The following PACS1 variants were observed in gnomAD, a reference collection of about 807,000 sequenced individuals.
PACS1 encodes the protein PACS-1.
PACS1 carries 24 observed loss-of-function variants against 115.0 expected under a neutral mutation model. That is an observed-to-expected ratio of 0.21 (90% CI 0.15 to 0.29). PACS1 has a LOEUF of 0.29. Ranked by LOEUF, PACS1 falls within the 10% of genes least tolerant of loss-of-function variation. The pLI is 1.00. For missense variants in PACS1, 838 were observed against 1,251.2 expected (o/e 0.67, Z 4.98); for synonymous variants, 453 against 504.5 (o/e 0.90, Z 1.37).
intron 1 of PACS1, among the ~76,000 whole-genome samples, chr11:66,147,405 A>G (rs1398152564): frequency 6.6e-6 from 1 of 152,172 alleles, no homozygotes; most frequent in Non-Finnish European, 1.5e-5. Flanking sequence ...CCACAAGACT[A>G]AAGGAAGAAC....
At chr11:66,102,321 A>G (rs1358406218) in intron 1 of PACS1, among the ~76,000 whole-genome samples, 1 of 151,460 alleles carries the variant, frequency 6.6e-6, no homozygotes, top group African/African-American at 2.4e-5. Context: ...TATTATTATT[A>G]TTATTATTTT....
chr11:66,097,306 G>A (rs148342011), intron 1 of PACS1, among the ~76,000 whole-genome samples: 5 of 152,218 alleles, frequency 3.3e-5, no homozygotes, highest in Non-Finnish European at 5.9e-5. Context: ...CAGTCAGATC[G>A]TAATGCTCAT....
intron 1 of PACS1, among the ~76,000 whole-genome samples, chr11:66,082,132 A>G (rs1451417092): frequency 6.6e-6 from 1 of 152,236 alleles, no homozygotes; most frequent in Non-Finnish European, 1.5e-5. Flanking sequence ...TCTGGATCTT[A>G]ATGATGAATG....
intron 1 of PACS1, among the ~76,000 whole-genome samples, chr11:66,082,712 C>T (rs547057419): frequency 5.3e-4 from 80 of 152,142 alleles, no homozygotes; most frequent in African/African-American, 1.7e-3. Flanking sequence ...AAAAATTAGC[C>T]GGGCGTGTGG....
chr11:66,163,650 AT>A (rs1217540648), intron 1 of PACS1, among the ~76,000 whole-genome samples: 1 of 152,184 alleles, frequency 6.6e-6, no homozygotes. Context: ...TGTTATTTGA[AT>A]CAAAGTCTTC....
chr11:66,165,262 G>A (rs541208463), intron 1 of PACS1, among the ~76,000 whole-genome samples: 97 of 152,224 alleles, frequency 6.4e-4, no homozygotes, highest in African/African-American at 2.1e-3. Flanking sequence ...AGTTGTGAAG[G>A]CGTGTCCTTC....
At chr11:66,223,054 C>CAAAAAA (rs71461612) in intron 10 of PACS1, among the ~76,000 whole-genome samples, 11 of 75,002 alleles carry the variant, frequency 1.5e-4, no homozygotes, top group African/African-American at 4.9e-4. Context: ...CCTCGATTTA[C>CAAAAAA]AAAAAAAAAA....
chr11:66,165,072 A>G (rs1427392220), intron 1 of PACS1, among the ~76,000 whole-genome samples: 2 of 152,124 alleles, frequency 1.3e-5, no homozygotes, highest in African/African-American at 4.8e-5. Flanking sequence ...TCTGCAACTG[A>G]TTGTCTTCCT....
intron 2 of PACS1, among the ~76,000 whole-genome samples, chr11:66,209,075 A>T (rs1348220422): frequency 2.0e-5 from 3 of 152,186 alleles, no homozygotes; most frequent in Non-Finnish European, 4.4e-5. Flanking sequence ...GAGATTCAGT[A>T]ACTGGCAGTA....
intron 1 of PACS1, among the ~76,000 whole-genome samples, chr11:66,126,008 C>T (rs1049056881): frequency 6.8e-6 from 1 of 146,738 alleles, no homozygotes; most frequent in South Asian, 2.1e-4. Flanking sequence ...CCATTGCACT[C>T]TAGCCTGGGT....
chr11:66,186,405 A>T (rs1411724044), intron 1 of PACS1, among the ~76,000 whole-genome samples: 1 of 152,062 alleles, frequency 6.6e-6, no homozygotes, highest in East Asian at 1.9e-4. Context: ...AGGCCTATGT[A>T]CTTCTTCCCC....
chr11:66,114,490 G>A (rs1858261094), intron 1 of PACS1, among the ~76,000 whole-genome samples: 1 of 150,920 alleles, frequency 6.6e-6, no homozygotes, highest in African/African-American at 2.4e-5. Context: ...ACTTTTTAAT[G>A]GCTGCTTAGT....
intron 2 of PACS1, among the ~76,000 whole-genome samples, chr11:66,203,234 C>G (rs534192186): frequency 3.5e-4 from 53 of 152,040 alleles, no homozygotes; most frequent in African/African-American, 8.2e-4. Flanking sequence ...AAAAAGAAAT[C>G]AAGAAAGTAA....
Position 66,148,554 on chromosome 11 carries a change from A to C in PACS1, c.357-44932A>C, listed in dbSNP as rs1859173306. ...CTTTGTAATAACTAAGAACTATAAA[A>C]AAGTCAAATGCCCATCAGAAAGGGA... On this transcript the variant is annotated intron_variant, in intron 1 of 23. Transcript: ENST00000320580. Among the ~76,000 whole-genome samples the C allele has an allele frequency of 2.0e-5, 3 of 152,234 alleles. No homozygotes were observed. The South Asian group carries it at 6.2e-4, about 31-fold the overall frequency.
rs371999862 is a variant in PACS1 at position 66,239,328 on chromosome 11, C to T, written c.2429+51C>T. ...TGCCATGCCCTCCATCAGGCCCACC[C>T]GGCTGATTCCAGTGACAGGCGCATG... On this transcript the variant is annotated intron_variant, in intron 21 of 23. Coordinates refer to ENST00000320580, the MANE Select transcript of PACS1 (RefSeq NM_018026.4). The T allele has an allele frequency of 1.4e-4, 224 of 1,567,350 alleles. No individual in the cohort carries two copies. In the Admixed American group the frequency reaches 1.8e-3, roughly 13 times the overall value.
intron 1 of PACS1, among the ~76,000 whole-genome samples, chr11:66,188,188 A>T (rs1193819449): frequency 8.2e-6 from 1 of 121,664 alleles, no homozygotes. Flanking sequence ...GGCCGTTGAG[A>T]TATTTCAGTT....
At chr11:66,225,684 A>G (rs1040690196) in intron 10 of PACS1, among the ~76,000 whole-genome samples, 3 of 152,242 alleles carry the variant, frequency 2.0e-5, no homozygotes, top group African/African-American at 4.8e-5. Flanking sequence ...CATGGAAGCA[A>G]TGCTGTAGCT....
chr11:66,100,942 C>T, intron 1 of PACS1: 1 of 456,144 alleles, frequency 2.2e-6, no homozygotes, highest in South Asian at 1.5e-5. Context: ...GCCTCAGTGC[C>T]TGTCCTCCTC....
At position 66,216,703 on chromosome 11, in the gene PACS1, C is replaced by G. The variant is rs12798852; in HGVS notation, c.906C>G (p.Phe302Leu). ...TCCCTGTACCCACTTAGGACTTGTT[C>G]TACGAAGACGAAGATCTCCGGAAAG... ...SDDPLHGQDL[F>L]YEDEDLRKVK... The change falls in exon 7 of 24, where the codon TTC becomes TTG. Residue 302 changes from phenylalanine (F) to leucine (L), a missense_variant. Physicochemically the swap from Phe to Leu is conservative, Grantham distance 22 (BLOSUM62 0). Coordinates refer to ENST00000320580, the MANE Select transcript of PACS1 (RefSeq NM_018026.4). 1 of 1,613,706 alleles carries G rather than the reference C, an allele frequency of 6.2e-7. No homozygotes were observed. The highest frequency in any genetic ancestry group is 8.5e-7 in the Non-Finnish European group (1 of 1,179,842).
Sources: allele counts gnomAD v4.1 joint callset (sites outside exome capture counted in the v4.1 genomes callset), GRCh38; gene constraint gnomAD v4.1.1; transcripts MANE v1.5; gene names NCBI Gene and HGNC (gene_info 2026-07-23, HGNC 2026-07-21).